ANKRD50: variants seen among roughly 807,000 people sequenced by gnomAD.
The protein encoded by ANKRD50 is ankyrin repeat domain 50.
A neutral mutation model predicts 112.0 loss-of-function variants in ANKRD50; 40 were observed. The ratio of observed to expected loss-of-function variants is 0.36; its 90% CI spans 0.28 to 0.46. ANKRD50 has a LOEUF of 0.46. Ranked by LOEUF, ANKRD50 falls within the 20% of genes least tolerant of loss-of-function variation. The pLI is 1.00. For missense variants in ANKRD50, 1,487 were observed against 1,701.7 expected (o/e 0.87, Z 2.22); for synonymous variants, 613 against 619.1 (o/e 0.99, Z 0.15).
chr4:124,693,202 T>C (rs1341947291), intron 2 of ANKRD50, among the ~76,000 whole-genome samples: 1 of 152,234 alleles, frequency 6.6e-6, no homozygotes, highest in Non-Finnish European at 1.5e-5. Context: ...GTTAACTTTT[T>C]AGCAATTAAA....
At chr4:124,695,371 T>G (rs901555646) in intron 2 of ANKRD50, among the ~76,000 whole-genome samples, 3 of 152,158 alleles carry the variant, frequency 2.0e-5, no homozygotes, top group African/African-American at 7.2e-5. Flanking sequence ...AGAATCAGGT[T>G]TGGCTCACCC....
In ANKRD50 at chr4:124,670,248, T is replaced by C. The variant is rs1202190622; in HGVS notation, c.3029A>G (p.Asn1010Ser). Reference sequence around the variant, plus strand: ...AGACTGCAAAGCAGAGCGCTTTTCATTGTCTGCAGCATTGACGTCAGCATG... The same window carrying C: ...AGACTGCAAAGCAGAGCGCTTTTCACTGTCTGCAGCATTGACGTCAGCATG... ...AYHADVNAAD[N>S]EKRSALQSAA... Residue 1010 changes from asparagine to serine, a missense_variant, in exon 4 of 5, where the codon AAT (asparagine) becomes AGT (serine). Physicochemically the swap from Asn to Ser is conservative, Grantham distance 46. Transcript: ENST00000504087. 2.5e-6 allele frequency: 4 copies of C among 1,613,864 alleles called. No individual in the cohort carries two copies. The highest frequency in any genetic ancestry group is 4.5e-5 in the East Asian group (2 of 44,866).
intron 2 of ANKRD50, among the ~76,000 whole-genome samples, chr4:124,695,769 A>G (rs956046798): frequency 6.6e-6 from 1 of 152,152 alleles, no homozygotes; most frequent in African/African-American, 2.4e-5. Flanking sequence ...TGAGTCTCCA[A>G]CCAAAAGCTT....
Position 124,670,040 on chromosome 4 carries a change from G to A in ANKRD50, c.3237C>T (p.Arg1079=). The A allele has an allele frequency of 3.1e-6, 5 of 1,611,342 alleles. No homozygotes were observed. Among genetic ancestry groups the A allele is most frequent in the Non-Finnish European group, 4.2e-6 (5 of 1,179,348 alleles). ...ADPNHADQFG[R]TAMRVAAKNG... ...TTTTGGCTGCAACACGCATAGCAGTGCGTCCAAATTGATCAGCATGGTTTG... is the reference window on the plus strand; with the variant it reads ...TTTTGGCTGCAACACGCATAGCAGTACGTCCAAATTGATCAGCATGGTTTG... Residue 1079 remains arginine (R), a synonymous_variant, in exon 4 of 5, where the codon CGC becomes CGT. Transcript: ENST00000504087.
chr4:124,666,832 T>C lies in ANKRD50; in HGVS notation c.*686A>G, dbSNP rs922381552. ...GACTGGTTGGTTGTTTGTTCTGACATGTTTAGCCAGAGATGAGAAGAATTC... is the reference window on the plus strand; with the variant it reads ...GACTGGTTGGTTGTTTGTTCTGACACGTTTAGCCAGAGATGAGAAGAATTC... On this transcript the variant is annotated 3_prime_UTR_variant, in exon 5 of 5. Coordinates refer to ENST00000504087, the MANE Select transcript of ANKRD50 (RefSeq NM_020337.3). The C allele has an allele frequency of 3.9e-5, 6 of 152,430 alleles. No homozygotes were observed. The highest frequency in any genetic ancestry group is 9.7e-5 in the African/African-American group (4 of 41,430). 9.4% of individuals were successfully genotyped at this position (152,430 alleles called of 1,614,324 possible).
chr4:124,698,839 A>G (rs1188107141), intron 2 of ANKRD50, among the ~76,000 whole-genome samples: 1 of 152,136 alleles, frequency 6.6e-6, no homozygotes, highest in Non-Finnish European at 1.5e-5. Context: ...CTAATCCATA[A>G]AAATGATATA....
intron 2 of ANKRD50, among the ~76,000 whole-genome samples, chr4:124,704,812 C>A (rs778586925): frequency 1.3e-5 from 2 of 152,016 alleles, no homozygotes; most frequent in Admixed American, 6.6e-5. Context: ...AACTACAACA[C>A]GGCTGGGCGC....
chr4:124,688,525 G>A (rs1021604887), intron 2 of ANKRD50, among the ~76,000 whole-genome samples: 7 of 152,012 alleles, frequency 4.6e-5, no homozygotes, highest in East Asian at 1.9e-4. Context: ...TGAAAATAAC[G>A]CAAAATTATT....
chr4:124,685,398 A>G (rs1009567878), intron 2 of ANKRD50, among the ~76,000 whole-genome samples: 8 of 152,226 alleles, frequency 5.3e-5, no homozygotes, highest in African/African-American at 1.9e-4. Context: ...AATTATTTCA[A>G]AAGCACCTAT....
intron 1 of ANKRD50, among the ~76,000 whole-genome samples, chr4:124,711,870 G>A (rs1287789471): frequency 6.6e-6 from 1 of 152,124 alleles, no homozygotes; most frequent in Non-Finnish European, 1.5e-5. Context: ...TGGAGGTCAG[G>A]GATAAAATCT....
At chr4:124,708,051 C>T (rs1370015964) in intron 2 of ANKRD50, among the ~76,000 whole-genome samples, 1 of 152,046 alleles carries the variant, frequency 6.6e-6, no homozygotes, top group East Asian at 1.9e-4. Context: ...TCACCTCAGA[C>T]TAAGCTCTTT....
chr4:124,678,688 T>A lies in ANKRD50; in HGVS notation c.730A>T (p.Lys244Ter), dbSNP rs757931339. The A allele has an allele frequency of 6.2e-7, 1 of 1,613,250 alleles. No individual in the cohort carries two copies. Among genetic ancestry groups the A allele is most frequent in the Non-Finnish European group, 8.5e-7 (1 of 1,179,322 alleles). Residue 244 changes from lysine (K) to a stop codon, truncating the protein, a stop_gained, in exon 3 of 5, where the codon AAA becomes TAA. Coordinates refer to ENST00000504087, the MANE Select transcript of ANKRD50 (RefSeq NM_020337.3). LOFTEE classifies it high-confidence loss of function. ...SARKQSKAVTKMFTGFRKISL... is the reference protein window; with the variant it reads ...SARKQSKAVT ...TAATTATGCTTACCAGTAAACATTT[T>A]AGTAACAGCCTTACTCTGCTTTCGG...
rs78781793 is a variant in ANKRD50, at chr4:124,666,088, G to A, written c.*1430C>T. On this transcript the variant is annotated 3_prime_UTR_variant, in exon 5 of 5. Coordinates refer to ENST00000504087, the MANE Select transcript of ANKRD50 (RefSeq NM_020337.3). ...AGAACAGAATTTCTGGGTTCTATAA[G>A]ATTAACAGGCCCATTCTAAGATCAA... The A allele has an allele frequency of 6.6e-6, 1 of 151,984 alleles. No homozygotes were observed. The highest frequency in any genetic ancestry group is 1.5e-5 in the Non-Finnish European group (1 of 67,888). The allele number at this position is 151,984 out of a possible 1,614,324, so 9.4% of individuals were successfully genotyped here.
Position 124,670,088 on chromosome 4 carries a change from G to A in ANKRD50, c.3189C>T (p.Val1063=), listed in dbSNP as rs529948055. The change falls in exon 4 of 5, where the codon GTC becomes GTT. Residue 1063 remains valine, a synonymous_variant. Coordinates refer to ENST00000504087, the MANE Select transcript of ANKRD50 (RefSeq NM_020337.3). ...AQEGHIDVVQ[V]LLEHGADPNH... is the part of the protein sequence containing the mutation. ...TTGGATCAGCACCATGCTCTAATAA[G>A]ACCTGAACAACATCAATGTGCCCTT... 1.9e-6 allele frequency: 3 copies of A among 1,613,402 alleles called. No individual in the cohort carries two copies. The highest frequency in any genetic ancestry group is 4.5e-5 in the East Asian group (2 of 44,852).
intron 2 of ANKRD50, among the ~76,000 whole-genome samples, chr4:124,690,311 A>G (rs1220419133): frequency 1.3e-5 from 2 of 152,258 alleles, no homozygotes; most frequent in Non-Finnish European, 2.9e-5. Context: ...CCCAGCTTCC[A>G]GAAAAATGGC....
chr4:124,669,920 T>C lies in ANKRD50; in HGVS notation c.3357A>G (p.Lys1119=), dbSNP rs751688533. Residue 1119 remains lysine, a synonymous_variant, in exon 4 of 5, where the codon AAA becomes AAG. Transcript: ENST00000504087. ...CTTTTGAAGACAATGACTGTAGAGGTTTTTGCTCCATTGTGTGAACAGGAG... is the reference window on the plus strand; with the variant it reads ...CTTTTGAAGACAATGACTGTAGAGGCTTTTGCTCCATTGTGTGAACAGGAG... ...SPSPVHTMEQ[K]PLQSLSSKVQ... is the part of the protein sequence containing the mutation. The C allele has an allele frequency of 6.8e-6, 11 of 1,613,206 alleles. No homozygotes were observed. The East Asian group carries it at 1.6e-4, about 23-fold the overall frequency.
At chr4:124,709,928 C>A in intron 2 of ANKRD50, 72 bp downstream of exon 2, 4 of 1,528,692 alleles carry the variant, frequency 2.6e-6, no homozygotes, top group Non-Finnish European at 2.6e-6. Context: ...AAAGTTAAAA[C>A]AAAAAACTAC....
chr4:124,709,247 C>CAA (rs35850669), intron 2 of ANKRD50, among the ~76,000 whole-genome samples: 7 of 149,872 alleles, frequency 4.7e-5, no homozygotes, highest in Middle Eastern at 3.4e-3. Context: ...GCATGATATG[C>CAA]AAAAAAAAAT....
At chr4:124,701,339 GAATAGAGACAAA>G (rs965338008) in intron 2 of ANKRD50, among the ~76,000 whole-genome samples, 4 of 151,996 alleles carry the variant, frequency 2.6e-5, no homozygotes, top group South Asian at 4.2e-4. Context: ...GAGGTACAAA[GAATAGAGACAAA>G]AATAGAGACA....
Sources: gnomAD v4.1 joint callset for allele counts (sites outside exome capture counted in the v4.1 genomes callset) on GRCh38, gnomAD v4.1.1 for gene constraint, MANE v1.5 for transcripts, NCBI Gene and HGNC (gene_info 2026-07-23, HGNC 2026-07-21) for gene names.